The following TASP1 variants were observed in gnomAD, a reference collection of about 807,000 sequenced individuals.
The protein encoded by TASP1 is taspase 1, also known as threonine aspartase 1.
A neutral mutation model predicts 56.6 loss-of-function variants in TASP1; 16 were observed. That is an observed-to-expected ratio of 0.28 (90% CI 0.19 to 0.43). TASP1 has a LOEUF of 0.43. Among genes scored for constraint, TASP1 ranks in the 20% least tolerant of loss-of-function variants. TASP1 has a pLI of 1.00. For missense variants in TASP1, 393 were observed against 511.6 expected (o/e 0.77, Z 2.24); for synonymous variants, 179 against 184.2 (o/e 0.97, Z 0.23).
At chr20:13,162,737 T>C in the TASP1 span, among the ~76,000 whole-genome samples, 1 of 152,158 alleles carries the variant, frequency 6.6e-6, no homozygotes. Flanking sequence ...ATAGAAATTA[T>C]AAATATATAG....
chr20:13,547,692 C>G (rs1044707203), intron 8 of TASP1, among the ~76,000 whole-genome samples: 1 of 151,722 alleles, frequency 6.6e-6, no homozygotes, highest in African/African-American at 2.4e-5. Flanking sequence ...CGGAATAGAG[C>G]AGGACTAGAG....
chr20:13,279,166 G>A, the TASP1 span, among the ~76,000 whole-genome samples: 1 of 152,178 alleles, frequency 6.6e-6, no homozygotes, highest in Non-Finnish European at 1.5e-5. Flanking sequence ...ATTTAGGATA[G>A]TGCCTGGTAC....
the TASP1 span, among the ~76,000 whole-genome samples, chr20:13,210,207 G>T: frequency 2.0e-5 from 3 of 152,252 alleles, no homozygotes; most frequent in South Asian, 6.2e-4. Flanking sequence ...TTGGTGATTA[G>T]TGTTCCCTTG....
chr20:13,546,610 C>G (rs6042211), intron 8 of TASP1, among the ~76,000 whole-genome samples: 4 of 151,986 alleles, frequency 2.6e-5, no homozygotes, highest in East Asian at 1.9e-4. Context: ...GGGTCCATTC[C>G]TTTTCTTGGC....
At chr20:13,526,469 A>T (rs571494414) in intron 10 of TASP1, among the ~76,000 whole-genome samples, 1 of 152,210 alleles carries the variant, frequency 6.6e-6, no homozygotes, top group Non-Finnish European at 1.5e-5. Context: ...CCTAATTTGT[A>T]AACATTATGC....
chr20:13,166,726 C>A, the TASP1 span: 1 of 152,184 alleles, frequency 6.6e-6, no homozygotes, highest in South Asian at 2.1e-4. Context: ...AGTCCTTCCA[C>A]AAGGTATGGA....
chr20:13,194,017 C>T, the TASP1 span, among the ~76,000 whole-genome samples: 1 of 152,228 alleles, frequency 6.6e-6, no homozygotes, highest in African/African-American at 2.4e-5. Flanking sequence ...GTAGGTGATA[C>T]AGAAAAAGGT....
At chr20:13,336,376 G>T in the TASP1 span, among the ~76,000 whole-genome samples, 1 of 152,148 alleles carries the variant, frequency 6.6e-6, no homozygotes, top group African/African-American at 2.4e-5. Context: ...CCTGCCCCCT[G>T]CCTCCTCTTA....
chr20:13,384,990 TTA>T (rs1189252034), downstream of TASP1, among the ~76,000 whole-genome samples: 1 of 152,214 alleles, frequency 6.6e-6, no homozygotes, highest in East Asian at 1.9e-4. Flanking sequence ...TTTATAGGAT[TTA>T]TGTCAGAACA....
chr20:13,434,892 GAAAAAGATCAGT>G (rs2042949253), intron 12 of TASP1, 140 bp downstream of exon 12: 1 of 518,294 alleles, frequency 1.9e-6, no homozygotes, highest in African/African-American at 2.0e-5. Context: ...CTTATCTACG[GAAAAAGATCAGT>G]AGAACAGGGA....
intron 10 of TASP1, among the ~76,000 whole-genome samples, chr20:13,511,073 G>A (rs2044308908): frequency 6.6e-6 from 1 of 151,666 alleles, no homozygotes; most frequent in Admixed American, 6.6e-5. Context: ...ATTTTCCTCT[G>A]TCAGTGATTG....
chr20:13,242,428 A>G, the TASP1 span, among the ~76,000 whole-genome samples: 1 of 152,214 alleles, frequency 6.6e-6, no homozygotes, highest in Non-Finnish European at 1.5e-5. Flanking sequence ...CATGGAACCA[A>G]GAAGATCCAG....
chr20:13,459,991 T>A (rs573954104), intron 11 of TASP1, among the ~76,000 whole-genome samples: 1 of 152,208 alleles, frequency 6.6e-6, no homozygotes, highest in East Asian at 1.9e-4. Flanking sequence ...AAAAACACTT[T>A]CCTCTCCAGC....
At chr20:13,224,575 T>C in the TASP1 span, among the ~76,000 whole-genome samples, 1 of 152,200 alleles carries the variant, frequency 6.6e-6, no homozygotes, top group Non-Finnish European at 1.5e-5. Context: ...TCAATCCATA[T>C]ACATCATTTT....
chr20:13,533,887 T>C (rs902776360), intron 9 of TASP1, 135 bp downstream of exon 9: 2 of 1,049,624 alleles, frequency 1.9e-6, no homozygotes, highest in African/African-American at 1.6e-5. Flanking sequence ...TGGTTGATGA[T>C]TTATACTACA....
chr20:13,367,408 T>A, the TASP1 span, among the ~76,000 whole-genome samples: 523 of 152,352 alleles, frequency 3.4e-3, 3 homozygotes, highest in African/African-American at 0.012. Context: ...TTGGCCATCA[T>A]TAAGATTAGA....
the TASP1 span, among the ~76,000 whole-genome samples, chr20:13,226,667 G>A: frequency 6.6e-6 from 1 of 152,154 alleles, no homozygotes; most frequent in South Asian, 2.1e-4. Context: ...GATAGTTGGT[G>A]CTTGCTGTCA....
At chr20:13,390,552 T>C in intron 13 of TASP1, 100 bp from the exon 14 acceptor site, 1 of 974,676 alleles carries the variant, frequency 1.0e-6, no homozygotes, top group East Asian at 2.6e-5. Flanking sequence ...CACCAGAGCA[T>C]TAGGCCTTCA....
At chr20:13,243,764 C>T in the TASP1 span, among the ~76,000 whole-genome samples, 2 of 152,320 alleles carry the variant, frequency 1.3e-5, no homozygotes, top group Middle Eastern at 3.4e-3. Context: ...CTATGTCTAT[C>T]CATTAACTAA....
Sources: allele counts gnomAD v4.1 joint callset (sites outside exome capture counted in the v4.1 genomes callset), GRCh38; gene constraint gnomAD v4.1.1; transcripts MANE v1.5; gene names NCBI Gene and HGNC (gene_info 2026-07-23, HGNC 2026-07-21).